Variants in CERT1 observed in about 807,000 individuals in gnomAD.
CERT1 encodes ceramide transfer protein.
A neutral mutation model predicts 87.9 loss-of-function variants in CERT1; 31 were observed. The observed-to-expected ratio is 0.35, with a 90% CI of 0.27 to 0.48. The LOEUF (loss-of-function observed/expected upper bound fraction) is 0.48. Ranked by LOEUF, CERT1 falls within the 20% of genes least tolerant of loss-of-function variation. The pLI, the probability that CERT1 is intolerant of heterozygous loss-of-function variation, is 0.99. For synonymous variants in CERT1, 289 were observed against 250.9 expected, an observed-to-expected ratio of 1.15 and a Z score of -1.44; for missense variants, 487 against 758.0, an observed-to-expected ratio of 0.64 and a Z score of 4.20.
At chr5:75,462,505 C>T (rs1044152649) in intron 2 of CERT1, among the ~76,000 whole-genome samples, 1 of 152,156 alleles carries the variant, frequency 6.6e-6, no homozygotes, top group Non-Finnish European at 1.5e-5. Context: ...TGACACTCAC[C>T]TCCTGGTGTG....
intron 13 of CERT1, among the ~76,000 whole-genome samples, chr5:75,385,614 T>C (rs575862244): frequency 1.3e-5 from 2 of 152,350 alleles, no homozygotes; most frequent in South Asian, 2.1e-4. Context: ...CTTGTTGCCT[T>C]TGACAAGTCA....
intron 2 of CERT1, among the ~76,000 whole-genome samples, chr5:75,468,680 A>G (rs1287286306): frequency 6.6e-6 from 1 of 152,152 alleles, no homozygotes; most frequent in Non-Finnish European, 1.5e-5. Flanking sequence ...CCGTGGTAAC[A>G]ACAGATTCTA....
At chr5:75,435,630 T>C (rs968289453) in intron 3 of CERT1, among the ~76,000 whole-genome samples, 3 of 152,174 alleles carry the variant, frequency 2.0e-5, no homozygotes, top group Non-Finnish European at 2.9e-5. Context: ...TCTTAAGGAA[T>C]TGACTGTGGT....
intron 16 of CERT1, 109 bp from the exon 17 acceptor site, chr5:75,379,582 T>C (rs1761473438): frequency 2.0e-6 from 2 of 1,005,460 alleles, no homozygotes; most frequent in African/African-American, 1.6e-5. Flanking sequence ...TTGGACCAAT[T>C]AGCATCTTTT....
chr5:75,370,920 C>G (rs1761058756), intron 17 of CERT1: 1 of 148,264 alleles, frequency 6.7e-6, no homozygotes, highest in South Asian at 2.1e-4. Context: ...CCACTGCACT[C>G]CAGCCTGGGT....
intron 2 of CERT1, among the ~76,000 whole-genome samples, chr5:75,475,242 T>C (rs1265294287): frequency 6.6e-6 from 1 of 152,152 alleles, no homozygotes; most frequent in African/African-American, 2.4e-5. Context: ...TAGCCAGACA[T>C]TTCAATTTTC....
At chr5:75,392,245 G>A (rs556389706) in intron 11 of CERT1, among the ~76,000 whole-genome samples, 1 of 152,154 alleles carries the variant, frequency 6.6e-6, no homozygotes, top group Non-Finnish European at 1.5e-5. Context: ...GGCCACGAGG[G>A]AGGCCCAGGT....
At chr5:75,393,030 T>TAA (rs200417790) in intron 11 of CERT1, among the ~76,000 whole-genome samples, 116 of 111,020 alleles carry the variant, frequency 1.0e-3, no homozygotes, top group Middle Eastern at 4.5e-3. Context: ...TAAGTTTCAT[T>TAA]AAAAAAAAAA....
chr5:75,398,677 T>C (rs1324392418), intron 11 of CERT1, among the ~76,000 whole-genome samples: 1 of 152,122 alleles, frequency 6.6e-6, no homozygotes, highest in Non-Finnish European at 1.5e-5. Flanking sequence ...ATTTTGAGGG[T>C]ACAGACTTTA....
intron 2 of CERT1, among the ~76,000 whole-genome samples, chr5:75,505,015 G>A (rs988513922): frequency 6.6e-6 from 1 of 152,090 alleles, no homozygotes; most frequent in Non-Finnish European, 1.5e-5. Flanking sequence ...GGCCAGGCGC[G>A]GTGGCTCATG....
chr5:75,485,056 C>A (rs1766444442), intron 2 of CERT1, among the ~76,000 whole-genome samples: 1 of 151,884 alleles, frequency 6.6e-6, no homozygotes. Context: ...AATTCAATAA[C>A]AAGAGAAACT....
At chr5:75,492,357 T>C (rs2112431636) in intron 2 of CERT1, among the ~76,000 whole-genome samples, 1 of 152,214 alleles carries the variant, frequency 6.6e-6, no homozygotes, top group South Asian at 2.1e-4. Context: ...CATTAGGCCC[T>C]GTTTAAAATA....
Position 75,379,490 on chromosome 5 carries a change from A to C in CERT1, c.1748-17T>G. 2 of 1,601,434 alleles carry C rather than the reference A, an allele frequency of 1.2e-6. No homozygotes were observed. Among genetic ancestry groups the C allele is most frequent in the Non-Finnish European group, 1.7e-6 (2 of 1,175,626 alleles). On this transcript the variant is annotated splice_polypyrimidine_tract_variant and intron_variant, in intron 16 of 16. Coordinates refer to ENST00000643780, the MANE Select transcript of CERT1 (RefSeq NM_001379029.1). ...CAGGGTTCACTGCAAGATAAAGGAA[A>C]ATTAAAATGTATTAAGATACAATTC...
chr5:75,454,497 G>A (rs527530666), intron 3 of CERT1, among the ~76,000 whole-genome samples: 3 of 152,172 alleles, frequency 2.0e-5, no homozygotes, highest in Non-Finnish European at 4.4e-5. Context: ...TTATTTGAGT[G>A]CAAAATGGGT....
chr5:75,373,832 G>C (rs958262262), downstream of CERT1: 1 of 346,298 alleles, frequency 2.9e-6, no homozygotes, highest in Non-Finnish European at 5.1e-6. Flanking sequence ...GAGGATCTTA[G>C]GCCGGACCAT....
intron 3 of CERT1, among the ~76,000 whole-genome samples, chr5:75,457,503 T>C (rs1258532131): frequency 6.6e-6 from 1 of 152,134 alleles, no homozygotes. Flanking sequence ...ATAATTTTTT[T>C]CCATATTTAG....
chr5:75,502,297 A>G (rs991381424), intron 2 of CERT1, among the ~76,000 whole-genome samples: 44 of 152,308 alleles, frequency 2.9e-4, no homozygotes, highest in African/African-American at 9.4e-4. Flanking sequence ...GCCAAACCCA[A>G]CTTCCTCAAT....
Position 75,395,139 on chromosome 5 carries a change from A to T in CERT1, c.1188+4171T>A, listed in dbSNP as rs559474850. Among the ~76,000 whole-genome samples, 5 of 152,314 alleles carry T rather than the reference A, an allele frequency of 3.3e-5. No homozygotes were observed. The East Asian group carries it at 9.6e-4, about 29-fold the overall frequency. ...TCCCCATAGATTAAGCTGCAAATTC[A>T]CTGTACATCCTTTGATTTCTTTCTT... On this transcript the variant is annotated intron_variant, in intron 11 of 16. Transcript: ENST00000643780.
chr5:75,447,188 C>T (rs1318953733), intron 3 of CERT1, among the ~76,000 whole-genome samples: 1 of 152,116 alleles, frequency 6.6e-6, no homozygotes, highest in Non-Finnish European at 1.5e-5. Flanking sequence ...ATTTACCACT[C>T]AAGCCTTCCC....
Sources: allele counts gnomAD v4.1 joint callset (sites outside exome capture counted in the v4.1 genomes callset), GRCh38; gene constraint gnomAD v4.1.1; transcripts MANE v1.5; gene names NCBI Gene and HGNC (gene_info 2026-07-23, HGNC 2026-07-21).